POU6F2: variants seen among roughly 807,000 people sequenced by gnomAD.
POU6F2 encodes POU domain, class 6, transcription factor 2.
POU6F2 carries 31 observed loss-of-function variants against 71.3 expected under a neutral mutation model. The ratio of observed to expected loss-of-function variants is 0.43; its 90% confidence interval spans 0.33 to 0.59. POU6F2 has a LOEUF of 0.59. Among genes scored for constraint, POU6F2 ranks in the 20% least tolerant of loss-of-function variants. The pLI is 0.04. For synonymous variants in POU6F2, 347 were observed against 355.7 expected (o/e 0.98, Z 0.27); for missense variants, 783 against 856.8 (o/e 0.91, Z 1.07).
chr7:39,383,035 C>T (rs1222265491), intron 5 of POU6F2, among the ~76,000 whole-genome samples: 1 of 152,198 alleles, frequency 6.6e-6, no homozygotes, highest in Non-Finnish European at 1.5e-5. Context: ...GCAAAAAGTA[C>T]TTATACTGTG....
At chr7:39,436,694 T>A (rs1788253188) in intron 7 of POU6F2, among the ~76,000 whole-genome samples, 1 of 152,206 alleles carries the variant, frequency 6.6e-6, no homozygotes, top group Admixed American at 6.5e-5. Context: ...CATCCTTGTC[T>A]TGTACTAGTT....
chr7:39,381,344 T>TCTTGTGCTTCAGCTTCTTGA (rs1341808144), intron 5 of POU6F2, among the ~76,000 whole-genome samples: 1 of 152,182 alleles, frequency 6.6e-6, no homozygotes, highest in East Asian at 1.9e-4. Flanking sequence ...TTCAAGCTAT[T>TCTTGTGCTTCAGCTTCTTGA]CTTGTGCTTC....
intron 2 of POU6F2, among the ~76,000 whole-genome samples, chr7:39,186,578 G>A (rs1793544578): frequency 6.6e-6 from 1 of 152,068 alleles, no homozygotes; most frequent in African/African-American, 2.4e-5. Flanking sequence ...AGCCATTTTT[G>A]CCCAAAACCA....
intron 4 of POU6F2, among the ~76,000 whole-genome samples, chr7:39,235,117 A>C (rs1192522159): frequency 6.6e-6 from 1 of 152,158 alleles, no homozygotes; most frequent in East Asian, 1.9e-4. Context: ...AGGATTTGCT[A>C]CTTTTACCTT....
intron 1 of POU6F2, among the ~76,000 whole-genome samples, chr7:38,983,465 C>A (rs1788378700): frequency 2.6e-5 from 4 of 151,374 alleles, no homozygotes; most frequent in Admixed American, 2.6e-4. Context: ...GCTCTGTTAG[C>A]CTATGTAAAT....
At chr7:39,070,573 C>T (rs1790857338) in intron 1 of POU6F2, among the ~76,000 whole-genome samples, 1 of 151,948 alleles carries the variant, frequency 6.6e-6, no homozygotes, top group Non-Finnish European at 1.5e-5. Flanking sequence ...TTCTCTAGCA[C>T]CCATGCCCAC....
At chr7:39,429,295 C>G (rs1446639254) in intron 6 of POU6F2, among the ~76,000 whole-genome samples, 1 of 152,100 alleles carries the variant, frequency 6.6e-6, no homozygotes, top group Non-Finnish European at 1.5e-5. Flanking sequence ...ACCCAATCTC[C>G]AGACCCTGCT....
intron 7 of POU6F2, among the ~76,000 whole-genome samples, chr7:39,439,541 G>A (rs1450363298): frequency 6.6e-6 from 1 of 152,204 alleles, no homozygotes; most frequent in Non-Finnish European, 1.5e-5. Context: ...CCAGGCTGGT[G>A]TGCAAAGGCA....
intron 4 of POU6F2, among the ~76,000 whole-genome samples, chr7:39,240,598 T>C (rs1387196976): frequency 6.6e-6 from 1 of 152,150 alleles, no homozygotes; most frequent in African/African-American, 2.4e-5. Flanking sequence ...CTTTACAAAA[T>C]GCTTATTGAT....
At chr7:39,123,965 CTA>C (rs1277846804) in intron 2 of POU6F2, among the ~76,000 whole-genome samples, 1 of 151,574 alleles carries the variant, frequency 6.6e-6, no homozygotes, top group African/African-American at 2.4e-5. Context: ...ACCACTGTGA[CTA>C]TACATGACTA....
chr7:39,168,292 G>A (rs564266524), intron 2 of POU6F2, among the ~76,000 whole-genome samples: 1 of 152,280 alleles, frequency 6.6e-6, no homozygotes, highest in East Asian at 1.9e-4. Flanking sequence ...TCTATTTGCA[G>A]CATCATGACA....
At position 39,235,160 on chromosome 7, in the gene POU6F2, T is replaced by C. The variant is rs1794652326; in HGVS notation, c.598+27540T>C. Among the ~76,000 whole-genome samples the C allele has an allele frequency of 2.0e-5, 3 of 152,334 alleles. No homozygotes were observed. In the South Asian group the frequency reaches 6.2e-4, roughly 32 times the overall value. ...AATATTACACCATCTTTTCCTTTCC[T>C]TGCTGTGTAACTACCTGCTGCTCAC... On this transcript the variant is annotated intron_variant, in intron 4 of 9. Coordinates refer to ENST00000518318, the MANE Select transcript of POU6F2 (RefSeq NM_001370959.1).
chr7:39,164,469 C>A (rs1281734860), intron 2 of POU6F2, among the ~76,000 whole-genome samples: 1 of 141,434 alleles, frequency 7.1e-6, no homozygotes, highest in Admixed American at 7.0e-5. Context: ...TGTGACCTTC[C>A]AGCAGGACTC....
intron 2 of POU6F2, among the ~76,000 whole-genome samples, chr7:39,098,885 C>G (rs1161083616): frequency 6.6e-6 from 1 of 152,192 alleles, no homozygotes; most frequent in African/African-American, 2.4e-5. Context: ...TTTTGGGCAG[C>G]AGATACCATA....
intron 1 of POU6F2, among the ~76,000 whole-genome samples, chr7:38,980,304 T>C (rs1335295549): frequency 6.6e-6 from 1 of 152,180 alleles, no homozygotes; most frequent in Non-Finnish European, 1.5e-5. Context: ...AGAATGCTGA[T>C]TTTTTATTTG....
At chr7:38,988,044 C>T (rs1788505537) in intron 1 of POU6F2, among the ~76,000 whole-genome samples, 1 of 152,078 alleles carries the variant, frequency 6.6e-6, no homozygotes, top group Admixed American at 6.6e-5. Flanking sequence ...CAGAGTATGG[C>T]TTTAATATTA....
chr7:39,191,136 A>G (rs1302548585), intron 2 of POU6F2, among the ~76,000 whole-genome samples: 1 of 152,192 alleles, frequency 6.6e-6, no homozygotes, highest in African/African-American at 2.4e-5. Flanking sequence ...ATTCTAAGAT[A>G]TACGGCCTTT....
At chr7:39,106,921 T>A (rs75743075) in intron 2 of POU6F2, among the ~76,000 whole-genome samples, 114 of 152,340 alleles carry the variant, frequency 7.5e-4, no homozygotes, top group African/African-American at 2.6e-3. Context: ...CTGTCTTTGA[T>A]TACTAATTAG....
At chr7:39,024,391 T>G (rs990119710) in intron 1 of POU6F2, among the ~76,000 whole-genome samples, 13 of 152,068 alleles carry the variant, frequency 8.5e-5, no homozygotes, top group African/African-American at 2.2e-4. Context: ...CTTATCAGCT[T>G]AAGGAGATTT....
Sources: allele counts gnomAD v4.1 joint callset (sites outside exome capture counted in the v4.1 genomes callset), GRCh38; gene constraint gnomAD v4.1.1; transcripts MANE v1.5; gene names NCBI Gene and HGNC (gene_info 2026-07-23, HGNC 2026-07-21).